The following OXR1 variants were observed in gnomAD, a reference collection of about 807,000 sequenced individuals.
The protein encoded by OXR1 is oxidation resistance protein 1.
OXR1 carries 41 observed loss-of-function variants against 104.6 expected under a neutral mutation model. The observed-to-expected ratio is 0.39, with a 90% CI of 0.31 to 0.51. The LOEUF is 0.51. Ranked by LOEUF, OXR1 falls within the 20% of genes least tolerant of loss-of-function variation. The probability of loss-of-function intolerance (pLI) is 0.77; values close to 1 mark genes in which losing one functional copy is unlikely to be tolerated. For synonymous variants in OXR1, 348 were observed against 348.4 expected, an observed-to-expected ratio of 1.00 and a Z score of 0.01; for missense variants, 955 against 1,031.9, an observed-to-expected ratio of 0.93 and a Z score of 1.02.
intron 2 of OXR1, among the ~76,000 whole-genome samples, chr8:106,381,688 C>G (rs1345429833): frequency 1.3e-5 from 2 of 152,068 alleles, no homozygotes; most frequent in Non-Finnish European, 2.9e-5. Context: ...ATATATTTAT[C>G]TAAATTTTCT....
At chr8:106,653,071 GA>G (rs536723741) in intron 3 of OXR1, among the ~76,000 whole-genome samples, 5,225 of 129,880 alleles carry the variant, frequency 0.04, 224 homozygotes, top group African/African-American at 0.11. Flanking sequence ...AGGAGAAATA[GA>G]AAAAAAAAAA....
chr8:106,634,434 A>C (rs1415175608), intron 3 of OXR1, among the ~76,000 whole-genome samples: 1 of 152,228 alleles, frequency 6.6e-6, no homozygotes, highest in Non-Finnish European at 1.5e-5. Flanking sequence ...CACTTGTCAC[A>C]TGCCCTATAA....
intron 3 of OXR1, among the ~76,000 whole-genome samples, chr8:106,583,824 A>G (rs1213713662): frequency 2.0e-5 from 3 of 152,140 alleles, no homozygotes; most frequent in Non-Finnish European, 4.4e-5. Flanking sequence ...CGTTACTGAC[A>G]TTAAGAATTC....
At chr8:106,597,460 A>G in intron 3 of OXR1, among the ~76,000 whole-genome samples, 1 of 152,214 alleles carries the variant, frequency 6.6e-6, no homozygotes, top group East Asian at 1.9e-4. Context: ...TATTTTTGTT[A>G]TAGCAGGCTG....
intron 2 of OXR1, among the ~76,000 whole-genome samples, chr8:106,402,338 G>A (rs1376923265): frequency 6.6e-6 from 1 of 152,152 alleles, no homozygotes; most frequent in Non-Finnish European, 1.5e-5. Flanking sequence ...AGTTTTCTAG[G>A]TACAGACAGT....
chr8:106,631,366 G>T (rs1308646839), intron 3 of OXR1, among the ~76,000 whole-genome samples: 2 of 152,168 alleles, frequency 1.3e-5, no homozygotes, highest in African/African-American at 4.8e-5. Context: ...GTTCTTGATG[G>T]CATTAAGTGA....
At chr8:106,387,856 G>A (rs1268952850) in intron 2 of OXR1, among the ~76,000 whole-genome samples, 1 of 152,168 alleles carries the variant, frequency 6.6e-6, no homozygotes, top group Non-Finnish European at 1.5e-5. Context: ...TGACTTAAAG[G>A]ACTCTAAATC....
At chr8:106,343,600 A>T (rs894667850) in intron 1 of OXR1, among the ~76,000 whole-genome samples, 1 of 152,218 alleles carries the variant, frequency 6.6e-6, no homozygotes, top group Admixed American at 6.5e-5. Context: ...TCTCATTGCA[A>T]CTGGGCCATG....
intron 3 of OXR1, among the ~76,000 whole-genome samples, chr8:106,660,086 A>C (rs763181377): frequency 1.4e-4 from 21 of 152,094 alleles, no homozygotes; most frequent in Non-Finnish European, 2.6e-4. Flanking sequence ...TTGGGCCTAT[A>C]TTTTCTTCTT....
intron 6 of OXR1, among the ~76,000 whole-genome samples, chr8:106,688,422 GA>G (rs911279735): frequency 5.4e-5 from 8 of 147,698 alleles, no homozygotes; most frequent in South Asian, 2.1e-4. Context: ...ATATAATTTT[GA>G]AAAAAAAATA....
intron 3 of OXR1, among the ~76,000 whole-genome samples, chr8:106,567,086 C>G (rs1255074713): frequency 2.0e-5 from 3 of 152,080 alleles, no homozygotes; most frequent in Non-Finnish European, 4.4e-5. Context: ...GCACATTCTG[C>G]ACATGTATCC....
intron 2 of OXR1, among the ~76,000 whole-genome samples, chr8:106,385,528 C>T (rs924947018): frequency 3.3e-5 from 5 of 152,088 alleles, no homozygotes; most frequent in African/African-American, 1.2e-4. Context: ...CAGTATGTGA[C>T]AGGCAGTGTT....
chr8:106,440,238 G>T (rs1819730086), intron 2 of OXR1, among the ~76,000 whole-genome samples: 1 of 152,002 alleles, frequency 6.6e-6, no homozygotes, highest in South Asian at 2.1e-4. Flanking sequence ...ACCCCAAAAA[G>T]CTATGGTCTA....
intron 2 of OXR1, among the ~76,000 whole-genome samples, chr8:106,425,310 C>T (rs558324979): frequency 1.3e-5 from 2 of 152,022 alleles, no homozygotes; most frequent in Admixed American, 6.6e-5. Flanking sequence ...GCTGTTCTCC[C>T]TCCTTAGCCT....
chr8:106,695,883 G>A (rs1371192272), intron 7 of OXR1, among the ~76,000 whole-genome samples: 12 of 151,888 alleles, frequency 7.9e-5, no homozygotes, highest in Non-Finnish European at 1.5e-5. Flanking sequence ...GCAGAAATTA[G>A]AATTCATATT....
At chr8:106,490,723 G>A (rs1463067558) in intron 2 of OXR1, among the ~76,000 whole-genome samples, 1 of 152,072 alleles carries the variant, frequency 6.6e-6, no homozygotes, top group African/African-American at 2.4e-5. Flanking sequence ...TGGTGAGAAG[G>A]ACTGAAGATG....
chr8:106,429,208 G>A (rs912135229), intron 2 of OXR1, among the ~76,000 whole-genome samples: 1 of 151,994 alleles, frequency 6.6e-6, no homozygotes, highest in South Asian at 2.1e-4. Context: ...CGTTCTCAGT[G>A]GCTGCTCTGA....
intron 1 of OXR1, among the ~76,000 whole-genome samples, chr8:106,330,819 T>C (rs1488967129): frequency 6.6e-6 from 1 of 152,144 alleles, no homozygotes; most frequent in Non-Finnish European, 1.5e-5. Context: ...CCAGGGTGAT[T>C]TGTCCGCAGT....
At chr8:106,450,351 G>C (rs540343345) in intron 2 of OXR1, among the ~76,000 whole-genome samples, 1 of 152,080 alleles carries the variant, frequency 6.6e-6, no homozygotes, top group African/African-American at 2.4e-5. Context: ...ATGTTTGTCC[G>C]TGTGCTATTT....
Sources: allele counts gnomAD v4.1 joint callset (sites outside exome capture counted in the v4.1 genomes callset), GRCh38; gene constraint gnomAD v4.1.1; transcripts MANE v1.5; gene names NCBI Gene and HGNC (gene_info 2026-07-23, HGNC 2026-07-21).